Variants in MGAM2 observed in about 807,000 individuals in gnomAD.
The protein encoded by MGAM2 is maltase-glucoamylase 2 (putative), also known as probable maltase-glucoamylase 2.
In MGAM2, 98 loss-of-function variants were observed where a neutral mutation model predicts 96.1. The observed-to-expected ratio is 1.02, with a 90% CI of 0.87 to 1.21. The LOEUF (loss-of-function observed/expected upper bound fraction) is 1.21. Among genes scored for constraint, MGAM2 ranks in the 50% most tolerant of loss-of-function variants. The probability of loss-of-function intolerance (pLI) is 0.00; values close to 1 mark genes in which losing one functional copy is unlikely to be tolerated. For missense variants in MGAM2, 2,055 were observed against 1,182.4 expected (o/e 1.74, Z -10.82); for synonymous variants, 749 against 414.8 (o/e 1.81, Z -9.79).
intron 42 of MGAM2, 27 bp from the exon 43 acceptor site, chr7:142,198,112 T>C (rs949340309): frequency 4.1e-5 from 29 of 700,064 alleles, no homozygotes; most frequent in Admixed American, 2.0e-4. Flanking sequence ...GAAATATTCA[T>C]AATGACATGT....
intron 31 of MGAM2, 73 bp from the exon 32 acceptor site, chr7:142,175,579 T>C: frequency 1.5e-6 from 1 of 672,478 alleles, no homozygotes; most frequent in Non-Finnish European, 2.7e-6. Context: ...ACCAGGGGCC[T>C]GGCAGAGCAG....
intron 46 of MGAM2, among the ~76,000 whole-genome samples, chr7:142,211,975 A>G (rs1797600225): frequency 6.6e-6 from 1 of 152,234 alleles, no homozygotes; most frequent in South Asian, 2.1e-4. Flanking sequence ...GAAGCCCATC[A>G]GACTAACAGC....
At chr7:142,184,175 G>T (rs543275196) in intron 33 of MGAM2, among the ~76,000 whole-genome samples, 5 of 151,890 alleles carry the variant, frequency 3.3e-5, no homozygotes, top group Non-Finnish European at 7.4e-5. Context: ...GTTTCACCAT[G>T]TTGGCCAGGC....
intron 43 of MGAM2, 68 bp from the exon 44 acceptor site, chr7:142,198,547 T>C: frequency 1.5e-6 from 1 of 661,778 alleles, no homozygotes; most frequent in South Asian, 1.6e-5. Context: ...GAAGGACTTG[T>C]AATTAAAACA....
chr7:142,175,576 G>C (rs1201118405), intron 31 of MGAM2, 76 bp from the exon 32 acceptor site: 3 of 668,678 alleles, frequency 4.5e-6, no homozygotes, highest in Non-Finnish European at 8.1e-6. Flanking sequence ...AGGACCAGGG[G>C]CCTGGCAGAG....
chr7:142,133,270 A>G (rs927186155), intron 6 of MGAM2, among the ~76,000 whole-genome samples: 1 of 145,282 alleles, frequency 6.9e-6, no homozygotes, highest in Middle Eastern at 3.4e-3. Flanking sequence ...AAAATTTAAT[A>G]ATATATATTT....
intron 37 of MGAM2, among the ~76,000 whole-genome samples, chr7:142,194,609 T>G (rs1455766450): frequency 6.6e-6 from 1 of 152,206 alleles, no homozygotes; most frequent in East Asian, 1.9e-4. Context: ...TCATTATGTT[T>G]TGTCCATTGT....
chr7:142,189,341 G>A (rs939818711), intron 36 of MGAM2, 26 bp from the exon 37 acceptor site: 32 of 662,172 alleles, frequency 4.8e-5, no homozygotes, highest in Non-Finnish European at 8.2e-5. Context: ...ATGTTGTTTA[G>A]GAAATAACTC....
intron 3 of MGAM2, among the ~76,000 whole-genome samples, chr7:142,127,402 A>G (rs1479359549): frequency 6.6e-6 from 1 of 151,622 alleles, no homozygotes; most frequent in Non-Finnish European, 1.5e-5. Flanking sequence ...TTGATTTTTA[A>G]AGTTTTTTTC....
chr7:142,126,778 T>C (rs937124486), intron 3 of MGAM2, among the ~76,000 whole-genome samples: 7 of 152,180 alleles, frequency 4.6e-5, no homozygotes, highest in Non-Finnish European at 1.0e-4. Context: ...ATTTCCTTGA[T>C]CTTTCCAAAG....
intron 15 of MGAM2, among the ~76,000 whole-genome samples, chr7:142,149,598 T>C (rs891850119): frequency 3.9e-5 from 6 of 152,160 alleles, no homozygotes; most frequent in African/African-American, 7.2e-5. Flanking sequence ...TGGAGTGCAG[T>C]GGTGCGATCT....
intron 34 of MGAM2, among the ~76,000 whole-genome samples, chr7:142,185,405 G>T (rs1037537712): frequency 6.6e-6 from 1 of 152,240 alleles, no homozygotes; most frequent in East Asian, 1.9e-4. Context: ...ACTTTATGAC[G>T]CTTGAAAAAT....
intron 44 of MGAM2, among the ~76,000 whole-genome samples, chr7:142,199,151 A>C (rs1382414684): frequency 6.6e-6 from 1 of 152,196 alleles, no homozygotes; most frequent in Non-Finnish European, 1.5e-5. Context: ...TCAATCAAGG[A>C]AAGATATGCT....
chr7:142,144,444 A>G (rs1795326338), intron 13 of MGAM2, among the ~76,000 whole-genome samples: 3 of 152,220 alleles, frequency 2.0e-5, no homozygotes, highest in Admixed American at 1.3e-4. Flanking sequence ...GATCTTAATT[A>G]TATTCTCTTA....
At chr7:142,215,945 A>G (rs2129106973) in intron 46 of MGAM2, among the ~76,000 whole-genome samples, 1 of 152,250 alleles carries the variant, frequency 6.6e-6, no homozygotes, top group South Asian at 2.1e-4. Flanking sequence ...TTATATTTCT[A>G]TAAGATGGCA....
Position 142,204,272 on chromosome 7 carries a change from C to G in MGAM2, c.5138-4301C>G, listed in dbSNP as rs186864445. Reference sequence around the variant, plus strand: ...TAAATATATTTTAAATTTCTCCTAACAGTTTATGGATAATATATTATAACC... The same window carrying G: ...TAAATATATTTTAAATTTCTCCTAAGAGTTTATGGATAATATATTATAACC... On this transcript the variant is annotated intron_variant, in intron 45 of 47. Transcript: ENST00000477922. 7.2e-5 allele frequency among the ~76,000 whole-genome samples: 11 copies of G among 151,916 alleles called. No homozygotes were observed. The East Asian group carries it at 1.7e-3, about 24-fold the overall frequency.
chr7:142,215,307 G>A (rs930142153), intron 46 of MGAM2, among the ~76,000 whole-genome samples: 2 of 152,104 alleles, frequency 1.3e-5, no homozygotes, highest in South Asian at 4.1e-4. Context: ...GTTGGGGGTG[G>A]AGGGCAAGGA....
intron 45 of MGAM2, among the ~76,000 whole-genome samples, chr7:142,207,627 C>T (rs1413279709): frequency 6.6e-6 from 1 of 151,960 alleles, no homozygotes; most frequent in Non-Finnish European, 1.5e-5. Context: ...GACAGGGTTT[C>T]ACCATGTTAG....
At chr7:142,188,618 C>G (rs1218940782) in intron 36 of MGAM2, among the ~76,000 whole-genome samples, 1 of 152,132 alleles carries the variant, frequency 6.6e-6, no homozygotes, top group Non-Finnish European at 1.5e-5. Context: ...TAATTTAATG[C>G]AGGGGGTGTT....
Sources: allele counts gnomAD v4.1 joint callset (sites outside exome capture counted in the v4.1 genomes callset), GRCh38; gene constraint gnomAD v4.1.1; transcripts MANE v1.5; gene names NCBI Gene and HGNC (gene_info 2026-07-23, HGNC 2026-07-21).